The following DSTN variants were observed in gnomAD, a reference collection of about 807,000 sequenced individuals.
DSTN encodes destrin, actin depolymerizing factor, also known as destrin.
A neutral mutation model predicts 16.8 loss-of-function variants in DSTN; 10 were observed. The ratio of observed to expected loss-of-function variants is 0.60; its 90% confidence interval spans 0.37 to 1.01. The LOEUF (loss-of-function observed/expected upper bound fraction) is 1.01, where lower values mean the gene tolerates loss of function less well. DSTN is among the 50% of genes least tolerant of loss of function. DSTN has a pLI of 0.01. For missense variants in DSTN, 141 were observed against 196.7 expected (o/e 0.72, Z 1.69); for synonymous variants, 57 against 58.9 (o/e 0.97, Z 0.14).
At chr20:17,581,231 A>G (rs1347533601) in intron 1 of DSTN, among the ~76,000 whole-genome samples, 1 of 152,112 alleles carries the variant, frequency 6.6e-6, no homozygotes, top group African/African-American at 2.4e-5. Context: ...TTGTAATCCC[A>G]ATGCTTTGGG....
chr20:17,583,735 C>CTT (rs71192397), intron 1 of DSTN, among the ~76,000 whole-genome samples: 3,822 of 72,040 alleles, frequency 0.053, 768 homozygotes, highest in East Asian at 0.14. Context: ...TTTGGAGTTT[C>CTT]TTTTTTTTTT....
At chr20:17,576,247 A>ACTATTCCAC (rs1308178620) in intron 1 of DSTN, 1 of 152,242 alleles carries the variant, frequency 6.6e-6, no homozygotes, top group Non-Finnish European at 1.5e-5. Flanking sequence ...ACACTATTCC[A>ACTATTCCAC]TGTTTTGCTT....
chr20:17,576,322 C>T (rs548206265), intron 1 of DSTN: 1 of 153,904 alleles, frequency 6.5e-6, no homozygotes, highest in African/African-American at 2.4e-5. Flanking sequence ...GCTCATATAA[C>T]CTTGACCAAA....
In DSTN at chr20:17,596,747, A is replaced by G. The variant is rs2035530558; in HGVS notation, c.4-3991A>G. Reference sequence around the variant, plus strand: ...CCTCCACAGACATCACTTCTGATAGAAAAAAAGACAAAATTCTTCCTTACT... The same window carrying G: ...CCTCCACAGACATCACTTCTGATAGGAAAAAAGACAAAATTCTTCCTTACT... On this transcript the variant is annotated intron_variant, in intron 1 of 3. Transcript: ENST00000246069. The G allele has an allele frequency of 3.0e-6, 3 of 985,082 alleles. No individual in the cohort carries two copies. The African/African-American group carries it at 5.3e-5, about 17-fold the overall frequency. 61.0% of individuals were successfully genotyped at this position (985,082 alleles called of 1,614,324 possible).
chr20:17,604,471 T>C lies in DSTN; in HGVS notation c.312-84T>C. The C allele has an allele frequency of 7.2e-6, 10 of 1,384,630 alleles. No homozygotes were observed. The South Asian group carries it at 1.0e-4, about 14-fold the overall frequency. The allele number at this position is 1,384,630 out of a possible 1,614,324, so 85.8% of individuals were successfully genotyped here. A position where few individuals can be genotyped will look rare whatever the true frequency, so the allele number is the denominator to read the frequency against. Reference sequence around the variant, plus strand: ...GGAGAGTCTGAGGATTCTCAGCAAATGTTTACACAAGCAAATGTTTAACAA... The same window carrying C: ...GGAGAGTCTGAGGATTCTCAGCAAACGTTTACACAAGCAAATGTTTAACAA... On this transcript the variant is annotated intron_variant, in intron 2 of 3. Coordinates refer to ENST00000246069, the MANE Select transcript of DSTN (RefSeq NM_006870.4).
At chr20:17,583,422 A>G (rs2035368133) in intron 1 of DSTN, among the ~76,000 whole-genome samples, 1 of 152,232 alleles carries the variant, frequency 6.6e-6, no homozygotes, top group African/African-American at 2.4e-5. Flanking sequence ...CATAGTTGCC[A>G]AAAGTGATAA....
At chr20:17,579,813 C>T (rs555094492) in intron 1 of DSTN, among the ~76,000 whole-genome samples, 2 of 152,370 alleles carry the variant, frequency 1.3e-5, no homozygotes, top group Admixed American at 1.3e-4. Context: ...ACCTGCCTGA[C>T]ATGACACCTC....
intron 2 of DSTN, among the ~76,000 whole-genome samples, chr20:17,603,853 C>T (rs150421311): frequency 3.3e-5 from 5 of 152,166 alleles, no homozygotes; most frequent in African/African-American, 9.6e-5. Flanking sequence ...ATTATTGAAA[C>T]GTGGATGCCC....
At chr20:17,587,103 A>G (rs373796268) in intron 1 of DSTN, among the ~76,000 whole-genome samples, 1 of 152,110 alleles carries the variant, frequency 6.6e-6, no homozygotes, top group African/African-American at 2.4e-5. Flanking sequence ...GTATTGTTAC[A>G]TACAATGAAG....
intron 1 of DSTN, among the ~76,000 whole-genome samples, chr20:17,595,587 C>T (rs1386679326): frequency 6.6e-6 from 1 of 151,838 alleles, no homozygotes; most frequent in African/African-American, 2.4e-5. Flanking sequence ...CCATTGCACT[C>T]CAGCCTGGAT....
chr20:17,577,818 A>G (rs1173518529), intron 1 of DSTN, among the ~76,000 whole-genome samples: 1 of 152,240 alleles, frequency 6.6e-6, no homozygotes, highest in Non-Finnish European at 1.5e-5. Flanking sequence ...TTCATTGGAA[A>G]TACTTGATCT....
At position 17,575,349 on chromosome 20, in the gene DSTN, T is replaced by C. The variant is rs149282785; in HGVS notation, c.3+5138T>C. Among the ~76,000 whole-genome samples the C allele has an allele frequency of 4.5e-4, 69 of 152,342 alleles. No individual in the cohort carries two copies. The East Asian group carries it at 0.013, about 29-fold the overall frequency. On this transcript the variant is annotated intron_variant, in intron 1 of 3. Coordinates refer to ENST00000246069, the MANE Select transcript of DSTN (RefSeq NM_006870.4). ...AATTTAACATACAAATGCGTTGATTTTGTCCACAGAACAACACTCTAGTCT... is the reference window on the plus strand; with the variant it reads ...AATTTAACATACAAATGCGTTGATTCTGTCCACAGAACAACACTCTAGTCT...
At chr20:17,603,046 A>C (rs1287291884) in intron 2 of DSTN, among the ~76,000 whole-genome samples, 1 of 151,998 alleles carries the variant, frequency 6.6e-6, no homozygotes, top group African/African-American at 2.4e-5. Context: ...AAAAGTACCC[A>C]CCCTGTAGCT....
chr20:17,585,869 C>T (rs372157695), intron 1 of DSTN, among the ~76,000 whole-genome samples: 3 of 152,184 alleles, frequency 2.0e-5, no homozygotes, highest in Non-Finnish European at 4.4e-5. Flanking sequence ...TTTCACTCAG[C>T]ATAAAGCATT....
intron 1 of DSTN, among the ~76,000 whole-genome samples, chr20:17,583,035 A>G (rs2035363228): frequency 6.6e-6 from 1 of 152,244 alleles, no homozygotes; most frequent in South Asian, 2.1e-4. Context: ...TTGTTTGGGC[A>G]AAGGATTTGA....
intron 3 of DSTN, chr20:17,605,262 C>T (rs1259291753): frequency 2.5e-5 from 11 of 438,372 alleles, no homozygotes; most frequent in Middle Eastern, 3.7e-4. Context: ...AAGGCCTGCA[C>T]TGAGGGCGAA....
intron 2 of DSTN, among the ~76,000 whole-genome samples, chr20:17,601,792 G>A (rs2035589611): frequency 6.6e-6 from 1 of 152,172 alleles, no homozygotes; most frequent in African/African-American, 2.4e-5. Flanking sequence ...TTTCAGGCAA[G>A]TCGGTATTTG....
At chr20:17,576,403 GGAGT>G (rs1348341524) in intron 1 of DSTN, 6 of 161,080 alleles carry the variant, frequency 3.7e-5, no homozygotes, top group South Asian at 2.1e-4. Context: ...GGATGCACAT[GGAGT>G]GGTGAGGGAG....
At chr20:17,596,756 CA>C (rs1456072545) in intron 1 of DSTN, 1 of 984,932 alleles carries the variant, frequency 1.0e-6, no homozygotes, top group Non-Finnish European at 1.2e-6. Context: ...GAAAAAAAGA[CA>C]AAATTCTTCC....
Sources: gnomAD v4.1 joint callset for allele counts (sites outside exome capture counted in the v4.1 genomes callset) on GRCh38, gnomAD v4.1.1 for gene constraint, MANE v1.5 for transcripts, NCBI Gene and HGNC (gene_info 2026-07-23, HGNC 2026-07-21) for gene names.